MPZL1: variants seen among roughly 807,000 people sequenced by gnomAD.
The protein encoded by MPZL1 is myelin protein zero like 1, also known as myelin protein zero-like protein 1.
MPZL1 carries 16 observed loss-of-function variants against 29.3 expected under a neutral mutation model. The observed-to-expected ratio is 0.55, with a 90% confidence interval of 0.37 to 0.83. The LOEUF is 0.83. MPZL1 is among the 40% of genes least tolerant of loss of function. The pLI is 0.00. For missense variants in MPZL1, 279 were observed against 332.9 expected (o/e 0.84, Z 1.26); for synonymous variants, 143 against 132.0 (o/e 1.08, Z -0.57).
chr1:167,756,429 A>ATTTT (rs11455159), intron 1 of MPZL1, among the ~76,000 whole-genome samples: 1 of 94,628 alleles, frequency 1.1e-5, no homozygotes, highest in Non-Finnish European at 2.0e-5. Flanking sequence ...GTCTGGCCAG[A>ATTTT]TTTTTTTTTT....
intron 1 of MPZL1, among the ~76,000 whole-genome samples, chr1:167,758,987 G>A (rs929895934): frequency 2.6e-5 from 4 of 152,140 alleles, no homozygotes; most frequent in African/African-American, 7.2e-5. Flanking sequence ...GAAAATGTTT[G>A]TATATCATTT....
intron 2 of MPZL1, among the ~76,000 whole-genome samples, chr1:167,769,843 C>T (rs1661200207): frequency 6.6e-6 from 1 of 152,122 alleles, no homozygotes; most frequent in African/African-American, 2.4e-5. Flanking sequence ...AACATAAAAA[C>T]AGATATTGTC....
In MPZL1 at chr1:167,787,893, T is replaced by G; in HGVS notation, c.782T>G (p.Val261Gly). 6.2e-7 allele frequency: 1 copy of G among 1,613,226 alleles called. No individual in the cohort carries two copies. Among genetic ancestry groups the G allele is most frequent in the Non-Finnish European group, 8.5e-7 (1 of 1,179,190 alleles). Residue 261 changes from valine to glycine, a missense_variant, in exon 6 of 6, where the codon GTG becomes GGG. Val to Gly is a moderately radical substitution (Grantham distance 109). Transcript: ENST00000359523. ...HSDKINKSESVVYADIRKN is the reference protein window; with the variant it reads ...HSDKINKSESGVYADIRKN ...GACAAGATTAACAAGTCAGAGTCTG[T>G]GGTGTATGCGGATATCCGAAAGAAT... is the stretch of plus-strand genomic sequence containing the variant.
intron 1 of MPZL1, among the ~76,000 whole-genome samples, chr1:167,734,854 A>T (rs982017351): frequency 6.6e-6 from 1 of 152,180 alleles, no homozygotes; most frequent in Non-Finnish European, 1.5e-5. Context: ...GAATTTAGGG[A>T]TTCAATGTTT....
At chr1:167,780,529 T>C (rs1300389366) in intron 5 of MPZL1, among the ~76,000 whole-genome samples, 2 of 152,156 alleles carry the variant, frequency 1.3e-5, no homozygotes, top group Non-Finnish European at 2.9e-5. Flanking sequence ...AAATAGAATG[T>C]GGTATATATA....
intron 1 of MPZL1, among the ~76,000 whole-genome samples, chr1:167,733,469 G>A (rs755178104): frequency 1.8e-4 from 28 of 152,204 alleles, no homozygotes; most frequent in Non-Finnish European, 3.5e-4. Flanking sequence ...CTCTGGCTGG[G>A]CCTGGTGGTT....
chr1:167,748,611 T>C (rs1469007861), intron 1 of MPZL1, among the ~76,000 whole-genome samples: 2 of 152,202 alleles, frequency 1.3e-5, no homozygotes, highest in Admixed American at 1.3e-4. Context: ...GCAAAAAATT[T>C]TAAATTTTGG....
chr1:167,776,304 G>A (rs1281897002), intron 5 of MPZL1, 138 bp downstream of exon 5: 7 of 528,874 alleles, frequency 1.3e-5, no homozygotes, highest in Non-Finnish European at 1.9e-5. Flanking sequence ...AGAGAGAGTG[G>A]GAGTGAGGAA....
intron 5 of MPZL1, among the ~76,000 whole-genome samples, chr1:167,786,090 G>A (rs1235735399): frequency 6.6e-6 from 1 of 152,236 alleles, no homozygotes; most frequent in Non-Finnish European, 1.5e-5. Context: ...ACCACACCCG[G>A]CCGAAAACAG....
chr1:167,773,224 C>T lies in MPZL1; in HGVS notation c.473-12C>T. 2 of 1,608,518 alleles carry T rather than the reference C, an allele frequency of 1.2e-6. No homozygotes were observed. The highest frequency in any genetic ancestry group is 8.5e-7 in the Non-Finnish European group (1 of 1,177,024). Reference sequence around the variant, plus strand: ...CAATGTACCTTAAAACTATTTTGTTCTTTCTCTCTAGAGAATTTGCCTGTG... The same window carrying T: ...CAATGTACCTTAAAACTATTTTGTTTTTTCTCTCTAGAGAATTTGCCTGTG... On this transcript the variant is annotated splice_polypyrimidine_tract_variant and intron_variant, in intron 3 of 5. Transcript: ENST00000359523.
In MPZL1 at chr1:167,790,958, T is replaced by TC. The variant is rs1293531703; in HGVS notation, c.*3040dup. The TC allele has an allele frequency of 1.3e-5, 2 of 152,218 alleles. No individual in the cohort carries two copies. Among genetic ancestry groups the TC allele is most frequent in the East Asian group, 3.8e-4 (2 of 5,196 alleles). 9.4% of individuals were successfully genotyped at this position (152,218 alleles called of 1,614,324 possible). ...GCTTCTGGGCCTTTGCACATGCTGT[T>TC]CCCTGGGCCTGAAGCATGCCTTCTG... is the stretch of plus-strand genomic sequence containing the variant. On this transcript the variant is annotated 3_prime_UTR_variant, in exon 6 of 6. Coordinates refer to ENST00000359523, the MANE Select transcript of MPZL1 (RefSeq NM_003953.6).
At chr1:167,786,423 A>T (rs1661594693) in intron 5 of MPZL1, among the ~76,000 whole-genome samples, 1 of 152,204 alleles carries the variant, frequency 6.6e-6, no homozygotes, top group Non-Finnish European at 1.5e-5. Context: ...AAAAATGTAG[A>T]TATTATTAGT....
intron 1 of MPZL1, among the ~76,000 whole-genome samples, chr1:167,761,699 T>C (rs1335135075): frequency 1.3e-5 from 2 of 152,052 alleles, no homozygotes; most frequent in Non-Finnish European, 2.9e-5. Flanking sequence ...GCATTAAGAG[T>C]CCCTTTAAGG....
intron 1 of MPZL1, among the ~76,000 whole-genome samples, chr1:167,731,476 G>A (rs866104518): frequency 3.6e-5 from 5 of 137,964 alleles, no homozygotes; most frequent in South Asian, 4.5e-4. Context: ...TTGCTCTGTC[G>A]CCCAGGCTGG....
intron 1 of MPZL1, among the ~76,000 whole-genome samples, chr1:167,736,742 G>T (rs1660385800): frequency 6.6e-6 from 1 of 152,078 alleles, no homozygotes; most frequent in African/African-American, 2.4e-5. Context: ...ACTGCAAGAG[G>T]CTTGAGACTC....
At chr1:167,742,776 T>G (rs1278389251) in intron 1 of MPZL1, among the ~76,000 whole-genome samples, 1 of 152,144 alleles carries the variant, frequency 6.6e-6, no homozygotes, top group African/African-American at 2.4e-5. Context: ...GGTCTTAGAT[T>G]TAAGTCCTTG....
intron 5 of MPZL1, among the ~76,000 whole-genome samples, chr1:167,780,706 CAGAA>C (rs1661479686): frequency 6.6e-6 from 1 of 152,096 alleles, no homozygotes. Context: ...TTCATAGAGA[CAGAA>C]AGTAGAGTGG....
At chr1:167,748,837 G>A (rs1660701057) in intron 1 of MPZL1, among the ~76,000 whole-genome samples, 1 of 151,800 alleles carries the variant, frequency 6.6e-6, no homozygotes, top group Admixed American at 6.6e-5. Context: ...ATAATATCTT[G>A]GGAGATCATT....
At chr1:167,752,885 A>G (rs1660786572) in intron 1 of MPZL1, among the ~76,000 whole-genome samples, 1 of 152,126 alleles carries the variant, frequency 6.6e-6, no homozygotes, top group Non-Finnish European at 1.5e-5. Context: ...TTATCTGTTC[A>G]CTCCTTTTGA....
Sources: gnomAD v4.1 joint callset for allele counts (sites outside exome capture counted in the v4.1 genomes callset) on GRCh38, gnomAD v4.1.1 for gene constraint, MANE v1.5 for transcripts, NCBI Gene and HGNC (gene_info 2026-07-23, HGNC 2026-07-21) for gene names.